CTNNA2: variants seen among roughly 807,000 people sequenced by gnomAD.
The protein encoded by CTNNA2 is catenin alpha-2.
In CTNNA2, 42 loss-of-function variants were observed where a neutral mutation model predicts 101.0. The ratio of observed to expected loss-of-function variants is 0.42; its 90% CI spans 0.32 to 0.54. The LOEUF (loss-of-function observed/expected upper bound fraction) is 0.54, where lower values mean the gene tolerates loss of function less well. Ranked by LOEUF, CTNNA2 falls within the 20% of genes least tolerant of loss-of-function variation. The probability of loss-of-function intolerance (pLI) is 0.14; values close to 1 mark genes in which losing one functional copy is unlikely to be tolerated. For missense variants in CTNNA2, 871 were observed against 1,223.1 expected (o/e 0.71, Z 4.29); for synonymous variants, 450 against 456.4 (o/e 0.99, Z 0.18).
intron 7 of CTNNA2, among the ~76,000 whole-genome samples, chr2:80,129,307 C>T (rs1010025211): frequency 6.6e-6 from 1 of 152,176 alleles, no homozygotes; most frequent in Non-Finnish European, 1.5e-5. Context: ...CAGGAATTAC[C>T]ACTGTAGCCT....
At chr2:79,225,214 A>G (rs187567249) in intron 2 of CTNNA2, among the ~76,000 whole-genome samples, 145 of 152,262 alleles carry the variant, frequency 9.5e-4, no homozygotes, top group Non-Finnish European at 1.8e-3. Flanking sequence ...TTTTCATGAA[A>G]CAGGGGCATC....
chr2:79,683,133 G>A (rs1683699278), intron 2 of CTNNA2, among the ~76,000 whole-genome samples: 1 of 152,182 alleles, frequency 6.6e-6, no homozygotes, highest in South Asian at 2.1e-4. Context: ...CTCTGTGGGA[G>A]TTAGACTTTC....
At chr2:79,312,988 G>A (rs1284376069) in intron 3 of CTNNA2, among the ~76,000 whole-genome samples, 1 of 152,152 alleles carries the variant, frequency 6.6e-6, no homozygotes, top group Non-Finnish European at 1.5e-5. Context: ...TGTGCACAGA[G>A]CAATTAATTA....
chr2:79,414,663 A>G (rs571530714), intron 4 of CTNNA2, among the ~76,000 whole-genome samples: 1 of 152,132 alleles, frequency 6.6e-6, no homozygotes, highest in Non-Finnish European at 1.5e-5. Context: ...GTTATGCAGC[A>G]TCTGGGCCAG....
At chr2:80,257,049 C>T (rs995885807) in intron 7 of CTNNA2, among the ~76,000 whole-genome samples, 3 of 151,990 alleles carry the variant, frequency 2.0e-5, no homozygotes, top group African/African-American at 4.8e-5. Context: ...TTAAAATCGA[C>T]GTATCATGTT....
Position 79,518,781 on chromosome 2 carries a change from A to G in CTNNA2, c.-6+5574A>G, listed in dbSNP as rs753857691. On this transcript the variant is annotated intron_variant, in intron 1 of 18. Coordinates refer to ENST00000402739, the MANE Select transcript of CTNNA2 (RefSeq NM_001282597.3). ...CTTTATAAAGAGCTAATTGTACTCA[A>G]TTGTTTCCGGGAAAGGGTATCCTAC... Among the ~76,000 whole-genome samples the G allele has an allele frequency of 7.9e-5, 12 of 152,164 alleles. No individual in the cohort carries two copies. In the East Asian group the frequency reaches 9.6e-4, roughly 12 times the overall value.
rs528525041 is a variant in CTNNA2, at chr2:80,521,622, C to G, written c.1291-23360C>G. On this transcript the variant is annotated intron_variant, in intron 9 of 18. Transcript: ENST00000402739. ...GCAAGGAGAGAAAGACTTCACTAGC[C>G]GTTGTTAGTCTTGGAGATAAAAAGG... 1.8e-3 allele frequency among the ~76,000 whole-genome samples: 269 copies of G among 152,118 alleles called. 2 individuals are homozygous for G. Among genetic ancestry groups the G allele is most frequent in the African/African-American group, 6.2e-3 (258 of 41,488 alleles).
intron 7 of CTNNA2, among the ~76,000 whole-genome samples, chr2:80,074,121 A>G (rs775928492): frequency 3.3e-5 from 5 of 152,180 alleles, no homozygotes; most frequent in Non-Finnish European, 7.3e-5. Flanking sequence ...TTCAAATTCT[A>G]AAATATTTAA....
chr2:80,095,735 G>A (rs998033124), intron 7 of CTNNA2, among the ~76,000 whole-genome samples: 128 of 152,056 alleles, frequency 8.4e-4, no homozygotes, highest in African/African-American at 2.9e-3. Context: ...GTCTTGGGAG[G>A]GTGTATGTGT....
intron 7 of CTNNA2, among the ~76,000 whole-genome samples, chr2:80,344,438 C>T (rs566248420): frequency 3.2e-4 from 49 of 152,286 alleles, no homozygotes; most frequent in African/African-American, 1.2e-3. Flanking sequence ...CTATATCCAA[C>T]TACCTATGAA....
chr2:80,371,876 T>C (rs1194140692), intron 7 of CTNNA2, among the ~76,000 whole-genome samples: 3 of 152,094 alleles, frequency 2.0e-5, no homozygotes, highest in African/African-American at 7.2e-5. Flanking sequence ...TAATGTATGC[T>C]TATTAGAGGT....
intron 12 of CTNNA2, among the ~76,000 whole-genome samples, chr2:80,570,894 A>G (rs557659611): frequency 6.6e-6 from 1 of 152,246 alleles, no homozygotes; most frequent in Admixed American, 6.5e-5. Flanking sequence ...CCTCTTCTCC[A>G]AACTGTATGT....
At chr2:80,092,624 C>A (rs1468052630) in intron 7 of CTNNA2, among the ~76,000 whole-genome samples, 1 of 152,090 alleles carries the variant, frequency 6.6e-6, no homozygotes, top group East Asian at 1.9e-4. Context: ...ACTGCCCATC[C>A]CACCCTGCTA....
chr2:80,008,726 G>T (rs897483794), intron 7 of CTNNA2, among the ~76,000 whole-genome samples: 2 of 152,140 alleles, frequency 1.3e-5, no homozygotes, highest in African/African-American at 2.4e-5. Flanking sequence ...ACTCAGCTTT[G>T]CCACCTGTAG....
At chr2:80,384,404 C>T (rs1676801364) in intron 7 of CTNNA2, among the ~76,000 whole-genome samples, 1 of 150,442 alleles carries the variant, frequency 6.6e-6, no homozygotes, top group Non-Finnish European at 1.5e-5. Context: ...CATGTGTATC[C>T]CCGAACCTCA....
At chr2:79,865,954 C>T (rs1317404082) in intron 4 of CTNNA2, among the ~76,000 whole-genome samples, 2 of 152,152 alleles carry the variant, frequency 1.3e-5, no homozygotes, top group African/African-American at 4.8e-5. Flanking sequence ...ATCCTGACCT[C>T]GTGATCCGCC....
chr2:80,413,115 A>G (rs1387119123), intron 8 of CTNNA2, among the ~76,000 whole-genome samples: 1 of 152,194 alleles, frequency 6.6e-6, no homozygotes, highest in African/African-American at 2.4e-5. Flanking sequence ...TATACTGACT[A>G]TCAGCACTCA....
intron 7 of CTNNA2, among the ~76,000 whole-genome samples, chr2:80,354,712 A>AT (rs201959183): frequency 0.012 from 1,775 of 152,010 alleles, 21 homozygotes; most frequent in South Asian, 0.057. Flanking sequence ...CATGTGGGAG[A>AT]TTTTTTTTCT....
intron 9 of CTNNA2, among the ~76,000 whole-genome samples, chr2:80,440,280 G>A (rs975094138): frequency 6.6e-6 from 1 of 152,138 alleles, no homozygotes; most frequent in African/African-American, 2.4e-5. Context: ...ACCATGGGGT[G>A]ATTAGAAAGA....
Sources: gnomAD v4.1 joint callset for allele counts (sites outside exome capture counted in the v4.1 genomes callset) on GRCh38, gnomAD v4.1.1 for gene constraint, MANE v1.5 for transcripts, NCBI Gene and HGNC (gene_info 2026-07-23, HGNC 2026-07-21) for gene names.